NRG1: variants seen among roughly 807,000 people sequenced by gnomAD.
NRG1 encodes the protein pro-neuregulin-1, membrane-bound isoform.
A neutral mutation model predicts 63.8 loss-of-function variants in NRG1; 18 were observed. The observed-to-expected ratio is 0.28, with a 90% CI of 0.19 to 0.42. The LOEUF (loss-of-function observed/expected upper bound fraction) is 0.42, where lower values mean the gene tolerates loss of function less well. Ranked by LOEUF, NRG1 falls within the 10% of genes least tolerant of loss-of-function variation. The pLI is 1.00. For synonymous variants in NRG1, 302 were observed against 301.3 expected, an observed-to-expected ratio of 1.00 and a Z score of -0.02; for missense variants, 762 against 814.7, an observed-to-expected ratio of 0.94 and a Z score of 0.79.
chr8:31,987,131 TTAC>T (rs1280179292), intron 1 of NRG1, among the ~76,000 whole-genome samples: 2 of 151,554 alleles, frequency 1.3e-5, no homozygotes, highest in African/African-American at 4.8e-5. Context: ...AACCCCGCCT[TTAC>T]TACAGATACA....
chr8:32,418,098 T>C (rs1013019039), intron 1 of NRG1, among the ~76,000 whole-genome samples: 4 of 152,114 alleles, frequency 2.6e-5, no homozygotes, highest in African/African-American at 9.6e-5. Context: ...ATACTAAATG[T>C]TTTTGAAGCA....
intron 11 of NRG1, among the ~76,000 whole-genome samples, chr8:32,761,392 T>C (rs1041867247): frequency 1.3e-5 from 2 of 152,106 alleles, no homozygotes; most frequent in Non-Finnish European, 2.9e-5. Context: ...TGATAGAGTC[T>C]TTCCACTCTT....
rs756722952 is a variant in NRG1, at chr8:31,998,672, C to A, written c.37+359241C>A. On this transcript the variant is annotated intron_variant, in intron 1 of 10. Transcript: ENST00000519301. Reference sequence around the variant, plus strand: ...TCCTTTCAAAGCACACTGTCCATGGCGTGAGAGTAACCACCACACTGACAT... The same window carrying A: ...TCCTTTCAAAGCACACTGTCCATGGAGTGAGAGTAACCACCACACTGACAT... 5.9e-5 allele frequency among the ~76,000 whole-genome samples: 9 copies of A among 151,916 alleles called. No individual in the cohort carries two copies. The East Asian group carries it at 1.6e-3, about 26-fold the overall frequency.
intron 1 of NRG1, among the ~76,000 whole-genome samples, chr8:32,056,682 G>A (rs1196869156): frequency 2.0e-5 from 3 of 151,970 alleles, no homozygotes; most frequent in African/African-American, 7.2e-5. Context: ...GCAGTCCTTG[G>A]CACTGAAAAT....
chr8:32,271,859 C>T (rs1025192860), intron 1 of NRG1, among the ~76,000 whole-genome samples: 7 of 152,144 alleles, frequency 4.6e-5, no homozygotes, highest in Admixed American at 2.6e-4. Flanking sequence ...GCCCTGAATG[C>T]ATCTTCAATA....
chr8:31,800,294 C>T (rs1271382371), intron 1 of NRG1, among the ~76,000 whole-genome samples: 1 of 152,132 alleles, frequency 6.6e-6, no homozygotes, highest in African/African-American at 2.4e-5. Context: ...GGCGAGGTAA[C>T]ATCTGATGTG....
chr8:32,093,961 G>A lies in NRG1; in HGVS notation c.37+454530G>A, dbSNP rs80140352. On this transcript the variant is annotated intron_variant, in intron 1 of 10. Coordinates refer to the NRG1 transcript ENST00000519301. ...ACATGAGCGGTGACTTCACATTTAG[G>A]TTTGAAAGCAGAGCTTCCCTCTTAT... Among the ~76,000 whole-genome samples the A allele has an allele frequency of 7.6e-4, 116 of 152,280 alleles. 1 individual carries two copies. In the East Asian group the frequency reaches 0.021, roughly 27 times the overall value.
At chr8:31,742,530 C>T (rs1327856359) in intron 1 of NRG1, among the ~76,000 whole-genome samples, 2 of 117,050 alleles carry the variant, frequency 1.7e-5, no homozygotes, top group African/African-American at 6.7e-5. Context: ...CCTATTAGCA[C>T]TTGATTAGGT....
chr8:32,415,365 C>CAAAAAA (rs5890647), intron 1 of NRG1, among the ~76,000 whole-genome samples: 2 of 115,336 alleles, frequency 1.7e-5, no homozygotes, highest in African/African-American at 3.5e-5. Context: ...GACTCTGTCT[C>CAAAAAA]AAAAAAAAAA....
Position 32,659,438 on chromosome 8 carries a change from G to A in NRG1, c.502+42553G>A, listed in dbSNP as rs1253586482. Reference sequence around the variant, plus strand: ...GCTGGGATTATAGCCGTGACCCACCGTGGCCAGCCAGCTATAAATCTTTAG... The same window carrying A: ...GCTGGGATTATAGCCGTGACCCACCATGGCCAGCCAGCTATAAATCTTTAG... On this transcript the variant is annotated intron_variant, in intron 5 of 11. Coordinates refer to ENST00000356819, the Ensembl canonical transcript of NRG1. Among the ~76,000 whole-genome samples the A allele has an allele frequency of 3.3e-5, 5 of 152,056 alleles. No homozygotes were observed. The East Asian group carries it at 5.8e-4, about 18-fold the overall frequency.
At chr8:32,355,175 C>A (rs1300220175) in intron 1 of NRG1, among the ~76,000 whole-genome samples, 4 of 152,054 alleles carry the variant, frequency 2.6e-5, no homozygotes, top group Non-Finnish European at 5.9e-5. Context: ...AGGCAAATAG[C>A]AGTCTGGTTG....
Position 31,703,290 on chromosome 8 carries a change from C to T in NRG1, c.37+63859C>T, listed in dbSNP as rs565901767. On this transcript the variant is annotated intron_variant, in intron 1 of 10. Transcript: ENST00000519301. The stretch of plus-strand genomic sequence containing the variant: ...CTCATTTACAACTTATAGAAATTTA[C>T]TCATTTTATGCAGAAAATTGGAAAG... Among the ~76,000 whole-genome samples, 6 of 151,634 alleles carry T rather than the reference C, an allele frequency of 4.0e-5. No individual in the cohort carries two copies. The South Asian group carries it at 1.0e-3, about 26-fold the overall frequency.
chr8:31,691,829 T>C (rs565329823), intron 1 of NRG1, among the ~76,000 whole-genome samples: 7 of 152,188 alleles, frequency 4.6e-5, no homozygotes, highest in African/African-American at 1.4e-4. Context: ...GTTATTCCTA[T>C]ACTTTTTATT....
intron 1 of NRG1, among the ~76,000 whole-genome samples, chr8:32,123,925 G>A (rs1166453220): frequency 2.6e-5 from 4 of 151,732 alleles, no homozygotes; most frequent in Non-Finnish European, 5.9e-5. Context: ...CTATTGGCTG[G>A]CAAAATAAAG....
At chr8:32,279,254 C>T (rs1852437738) in intron 1 of NRG1, among the ~76,000 whole-genome samples, 2 of 152,308 alleles carry the variant, frequency 1.3e-5, no homozygotes, top group South Asian at 2.1e-4. Context: ...AGCTGCTTTT[C>T]ATGTACTAAC....
chr8:32,507,386 C>A (rs866934901), intron 1 of NRG1, among the ~76,000 whole-genome samples: 7 of 152,070 alleles, frequency 4.6e-5, no homozygotes, highest in African/African-American at 1.7e-4. Flanking sequence ...TAGTTTGAAG[C>A]CAGTCTGTGA....
intron 1 of NRG1, among the ~76,000 whole-genome samples, chr8:31,838,273 A>G (rs540298915): frequency 6.6e-6 from 1 of 152,286 alleles, no homozygotes; most frequent in South Asian, 2.1e-4. Flanking sequence ...CTTTGAGTCA[A>G]CATCTCACTT....
At chr8:31,917,024 T>C (rs1256012204) in intron 1 of NRG1, among the ~76,000 whole-genome samples, 5 of 151,856 alleles carry the variant, frequency 3.3e-5, no homozygotes, top group Non-Finnish European at 5.9e-5. Context: ...TGTCTGTTCA[T>C]GTCCTTCGCC....
intron 1 of NRG1, among the ~76,000 whole-genome samples, chr8:31,810,857 G>A (rs537317851): frequency 6.6e-6 from 1 of 152,262 alleles, no homozygotes; most frequent in South Asian, 2.1e-4. Flanking sequence ...TTACATAGTG[G>A]GTGCAGAGGA....
Sources: gnomAD v4.1 joint callset for allele counts (sites outside exome capture counted in the v4.1 genomes callset) on GRCh38, gnomAD v4.1.1 for gene constraint, MANE v1.5 for transcripts, NCBI Gene and HGNC (gene_info 2026-07-23, HGNC 2026-07-21) for gene names.